DTWD2: variants seen among roughly 807,000 people sequenced by gnomAD.
The protein encoded by DTWD2 is DTW motif tRNA-uridine aminocarboxypropyltransferase 2.
Under a neutral mutation model 31.8 loss-of-function variants are expected in DTWD2, and 39 were observed. That is an observed-to-expected ratio of 1.22 (90% CI 0.95 to 1.60). DTWD2 has a LOEUF of 1.60. Among genes scored for constraint, DTWD2 ranks in the 40% most tolerant of loss-of-function variants. The pLI is 0.00. For missense variants in DTWD2, 515 were observed against 381.5 expected, an observed-to-expected ratio of 1.35 and a Z score of -2.92; for synonymous variants, 180 against 142.8, an observed-to-expected ratio of 1.26 and a Z score of -1.86.
intron 1 of DTWD2, among the ~76,000 whole-genome samples, chr5:118,969,654 A>G (rs924898022): frequency 6.6e-6 from 1 of 152,178 alleles, no homozygotes; most frequent in Non-Finnish European, 1.5e-5. Flanking sequence ...TAACATCAAC[A>G]AAGAAGATCC....
At chr5:118,971,822 A>G in intron 1 of DTWD2, among the ~76,000 whole-genome samples, 1 of 152,216 alleles carries the variant, frequency 6.6e-6, no homozygotes, top group East Asian at 1.9e-4. Flanking sequence ...AGGTTAAGAA[A>G]CTCACTCAAA....
intron 4 of DTWD2, among the ~76,000 whole-genome samples, chr5:118,855,786 C>T (rs2149541832): frequency 6.6e-6 from 1 of 152,206 alleles, no homozygotes; most frequent in South Asian, 2.1e-4. Flanking sequence ...TTATTAAAGA[C>T]TTACAAGATT....
intron 1 of DTWD2, among the ~76,000 whole-genome samples, chr5:118,976,413 A>G (rs1374510877): frequency 2.0e-5 from 3 of 152,210 alleles, no homozygotes; most frequent in Non-Finnish European, 4.4e-5. Flanking sequence ...TGGTGTTTTG[A>G]AAAGATTAAC....
At chr5:118,867,603 C>A (rs1752405903) in intron 4 of DTWD2, among the ~76,000 whole-genome samples, 1 of 152,136 alleles carries the variant, frequency 6.6e-6, no homozygotes, top group South Asian at 2.1e-4. Context: ...ATGGAAGCAT[C>A]TCAAAAAAAT....
chr5:118,963,223 G>C (rs1232715380), intron 1 of DTWD2, among the ~76,000 whole-genome samples: 1 of 152,224 alleles, frequency 6.6e-6, no homozygotes, highest in Non-Finnish European at 1.5e-5. Context: ...GTTAGAAGAA[G>C]AAACTATTCA....
chr5:118,877,466 C>T (rs1026411118), intron 4 of DTWD2, among the ~76,000 whole-genome samples: 11 of 150,858 alleles, frequency 7.3e-5, no homozygotes, highest in East Asian at 3.9e-4. Context: ...AGCAAGACTC[C>T]GTCTCAAAAA....
intron 1 of DTWD2, among the ~76,000 whole-genome samples, chr5:118,963,170 C>A (rs567261676): frequency 2.6e-4 from 40 of 152,272 alleles, no homozygotes; most frequent in African/African-American, 8.7e-4. Flanking sequence ...GGCTGACCCA[C>A]AGGAAGCTAA....
chr5:118,961,483 T>C (rs566747033), intron 1 of DTWD2, among the ~76,000 whole-genome samples: 23 of 151,814 alleles, frequency 1.5e-4, no homozygotes, highest in East Asian at 1.2e-3. Flanking sequence ...ATCATTTTTG[T>C]ATTATCCCAG....
intron 1 of DTWD2, among the ~76,000 whole-genome samples, chr5:118,953,010 C>T (rs968415741): frequency 1.3e-5 from 2 of 152,158 alleles, no homozygotes; most frequent in African/African-American, 4.8e-5. Context: ...CCTCTAAGAG[C>T]AGAGTTTTCA....
chr5:118,862,098 C>A (rs1220766972), intron 4 of DTWD2, among the ~76,000 whole-genome samples: 3 of 152,206 alleles, frequency 2.0e-5, no homozygotes, highest in Non-Finnish European at 4.4e-5. Context: ...ACTAGATTCT[C>A]GTAGAAGCGC....
At chr5:118,973,810 C>T (rs1580449816) in intron 1 of DTWD2, 10 of 1,612,160 alleles carry the variant, frequency 6.2e-6, no homozygotes, top group East Asian at 2.2e-5. Flanking sequence ...CAGACGCAGC[C>T]GTAGACACCA....
intron 1 of DTWD2, among the ~76,000 whole-genome samples, chr5:118,960,770 C>T (rs1294347861): frequency 6.6e-6 from 1 of 152,072 alleles, no homozygotes; most frequent in Non-Finnish European, 1.5e-5. Context: ...AAATCATGTC[C>T]TTTAGAGCAA....
chr5:118,874,440 A>G (rs1036860645), intron 4 of DTWD2, among the ~76,000 whole-genome samples: 3 of 152,214 alleles, frequency 2.0e-5, no homozygotes, highest in African/African-American at 7.2e-5. Flanking sequence ...TTAAAACCCA[A>G]TGCAAGGAAG....
intron 4 of DTWD2, among the ~76,000 whole-genome samples, chr5:118,927,392 C>T (rs568286164): frequency 2.6e-5 from 4 of 152,012 alleles, no homozygotes; most frequent in South Asian, 2.1e-4. Context: ...AAAAGTTCAA[C>T]GTAATGAAAT....
At chr5:118,846,959 CACACACAT>C (rs1374968306) in intron 5 of DTWD2, among the ~76,000 whole-genome samples, 15 of 135,982 alleles carry the variant, frequency 1.1e-4, no homozygotes, top group African/African-American at 4.3e-4. Context: ...CACACACACA[CACACACAT>C]ACACACGAAA....
chr5:118,922,071 G>A (rs1228084909), intron 4 of DTWD2, among the ~76,000 whole-genome samples: 2 of 152,162 alleles, frequency 1.3e-5, no homozygotes, highest in African/African-American at 4.8e-5. Flanking sequence ...AGAAAGCCAG[G>A]AGCCTCTACA....
rs1185569869 is a variant in DTWD2 at position 118,840,242 on chromosome 5, C to T, written c.*675G>A. ...ATCAATAAAATAAGTTTACCAGAGT[C>T]AATAAGCCTGTTCAATGAACACTGA... On this transcript the variant is annotated 3_prime_UTR_variant, in exon 6 of 6. Coordinates refer to ENST00000510708, the MANE Select transcript of DTWD2 (RefSeq NM_173666.4). 6.6e-6 allele frequency: 1 copy of T among 152,112 alleles called. No individual in the cohort carries two copies. Among genetic ancestry groups the T allele is most frequent in the African/African-American group, 2.4e-5 (1 of 41,424 alleles). 9.4% of individuals were successfully genotyped at this position (152,112 alleles called of 1,614,324 possible).
chr5:118,841,488 T>C (rs1751712400), intron 5 of DTWD2, among the ~76,000 whole-genome samples: 1 of 152,214 alleles, frequency 6.6e-6, no homozygotes, highest in Non-Finnish European at 1.5e-5. Flanking sequence ...GACAAATTAA[T>C]GCAAGCTTAC....
intron 4 of DTWD2, among the ~76,000 whole-genome samples, chr5:118,852,141 A>G (rs1752023654): frequency 6.6e-6 from 1 of 152,242 alleles, no homozygotes; most frequent in African/African-American, 2.4e-5. Context: ...CTCTGCAAGA[A>G]GAAAAATATG....
Sources: gnomAD v4.1 joint callset for allele counts (sites outside exome capture counted in the v4.1 genomes callset) on GRCh38, gnomAD v4.1.1 for gene constraint, MANE v1.5 for transcripts, NCBI Gene and HGNC (gene_info 2026-07-23, HGNC 2026-07-21) for gene names.